The following PDE1C variants were observed in gnomAD, a reference collection of about 807,000 sequenced individuals.
PDE1C encodes dual specificity calcium/calmodulin-dependent 3',5'-cyclic nucleotide phosphodiesterase 1C.
In PDE1C, 62 loss-of-function variants were observed where a neutral mutation model predicts 93.1. The observed-to-expected ratio is 0.67, with a 90% confidence interval of 0.54 to 0.82. PDE1C has a LOEUF of 0.82. PDE1C is among the 40% of genes least tolerant of loss of function. PDE1C has a pLI of 0.00. For missense variants in PDE1C, 742 were observed against 884.6 expected (o/e 0.84, Z 2.04); for synonymous variants, 325 against 310.1 (o/e 1.05, Z -0.50).
At chr7:31,628,709 G>A in the PDE1C span, among the ~76,000 whole-genome samples, 1 of 152,086 alleles carries the variant, frequency 6.6e-6, no homozygotes, top group Non-Finnish European at 1.5e-5. Flanking sequence ...GCCCGCCTCG[G>A]CCTCCGAAAG....
chr7:32,424,776 C>T (rs553660661), intron 1 of PDE1C, among the ~76,000 whole-genome samples: 3 of 152,126 alleles, frequency 2.0e-5, no homozygotes, highest in Admixed American at 2.0e-4. Flanking sequence ...TGCAGTGAGC[C>T]GAGGTGGTCC....
At chr7:32,389,682 G>A (rs1784716287) in intron 1 of PDE1C, among the ~76,000 whole-genome samples, 1 of 152,202 alleles carries the variant, frequency 6.6e-6, no homozygotes, top group South Asian at 2.1e-4. Context: ...TCTGAATTTT[G>A]TCTGTAAGTA....
intron 2 of PDE1C, among the ~76,000 whole-genome samples, chr7:32,002,209 C>G (rs961192658): frequency 9.9e-5 from 15 of 152,074 alleles, no homozygotes; most frequent in Non-Finnish European, 1.6e-4. Context: ...TAAGTTTCTC[C>G]CCTGACACTA....
At chr7:32,217,537 T>C (rs60074466) in intron 1 of PDE1C, among the ~76,000 whole-genome samples, 1 of 152,190 alleles carries the variant, frequency 6.6e-6, no homozygotes, top group African/African-American at 2.4e-5. Flanking sequence ...TATAAATGCA[T>C]ATCTCTGGCG....
intron 1 of PDE1C, among the ~76,000 whole-genome samples, chr7:32,229,595 G>A (rs12531396): frequency 2.6e-5 from 4 of 152,070 alleles, no homozygotes; most frequent in Admixed American, 2.6e-4. Context: ...TTCTTCAGAG[G>A]TGAACTGACA....
At chr7:32,251,357 A>G (rs1219368864) in intron 1 of PDE1C, among the ~76,000 whole-genome samples, 4 of 152,232 alleles carry the variant, frequency 2.6e-5, no homozygotes, top group Admixed American at 2.0e-4. Flanking sequence ...TAAGTGGCCT[A>G]GAGCTGCAAC....
At chr7:31,961,462 G>T (rs991721997) in intron 2 of PDE1C, among the ~76,000 whole-genome samples, 1 of 152,030 alleles carries the variant, frequency 6.6e-6, no homozygotes, top group African/African-American at 2.4e-5. Context: ...TATTTTATAT[G>T]TAGTATCAGA....
chr7:31,908,124 T>C (rs191264234), intron 2 of PDE1C, among the ~76,000 whole-genome samples: 2 of 152,198 alleles, frequency 1.3e-5, no homozygotes, highest in Non-Finnish European at 2.9e-5. Flanking sequence ...CAGTCATTAG[T>C]AATATTGCTA....
chr7:31,964,707 C>A (rs1350852084), intron 2 of PDE1C, among the ~76,000 whole-genome samples: 6 of 152,188 alleles, frequency 3.9e-5, no homozygotes, highest in African/African-American at 7.2e-5. Flanking sequence ...GGCAACCCCC[C>A]AATAGGGGTG....
intron 2 of PDE1C, among the ~76,000 whole-genome samples, chr7:32,034,550 T>C (rs1359961842): frequency 6.6e-6 from 1 of 152,110 alleles, no homozygotes; most frequent in African/African-American, 2.4e-5. Flanking sequence ...TTTCCTTTTC[T>C]CCCCAAGGTG....
chr7:32,399,222 C>G (rs1223845416), intron 1 of PDE1C, among the ~76,000 whole-genome samples: 2 of 152,132 alleles, frequency 1.3e-5, no homozygotes, highest in Non-Finnish European at 2.9e-5. Context: ...GAGTTTTGTC[C>G]CCATGTTGGA....
intron 17 of PDE1C, among the ~76,000 whole-genome samples, chr7:31,768,549 T>C (rs1795284104): frequency 6.6e-6 from 1 of 152,152 alleles, no homozygotes; most frequent in Non-Finnish European, 1.5e-5. Flanking sequence ...GTTAAAAAGT[T>C]ACAAAAATTA....
rs574189026 is a variant in PDE1C at position 32,202,733 on chromosome 7, A to G, written c.136+6756T>C. ...TGGATGTGTCACAGGTCACTGGGGG[A>G]GCTTCGAGAGGATGATTATAAGTGT... On this transcript the variant is annotated intron_variant, in intron 2 of 18. Transcript: ENST00000396193. Among the ~76,000 whole-genome samples, 17 of 152,126 alleles carry G rather than the reference A, an allele frequency of 1.1e-4. No homozygotes were observed. The South Asian group carries it at 2.1e-3, about 19-fold the overall frequency.
At chr7:32,329,521 G>A (rs1404716049) in intron 1 of PDE1C, among the ~76,000 whole-genome samples, 1 of 152,144 alleles carries the variant, frequency 6.6e-6, no homozygotes, top group Non-Finnish European at 1.5e-5. Flanking sequence ...CTTTATGTAG[G>A]TTTACCTTTT....
intron 1 of PDE1C, among the ~76,000 whole-genome samples, chr7:32,374,856 C>A (rs1317849699): frequency 6.6e-6 from 1 of 152,180 alleles, no homozygotes; most frequent in African/African-American, 2.4e-5. Flanking sequence ...TGTATCCCAG[C>A]TCATCAGTCT....
the PDE1C span, among the ~76,000 whole-genome samples, chr7:31,619,744 A>T: frequency 6.6e-6 from 1 of 152,122 alleles, no homozygotes; most frequent in East Asian, 1.9e-4. Flanking sequence ...AGGGAGTGCC[A>T]GACAGTGGGC....
chr7:31,890,751 A>T (rs1798520358), intron 2 of PDE1C, among the ~76,000 whole-genome samples: 1 of 152,200 alleles, frequency 6.6e-6, no homozygotes, highest in African/African-American at 2.4e-5. Context: ...AAACCTTCAA[A>T]TAATGGCTAA....
chr7:32,415,719 CA>C lies in PDE1C; in HGVS notation c.310+12102del, dbSNP rs1206536570. On this transcript the variant is annotated intron_variant, in intron 1 of 1. Transcript: ENST00000672256. ...TGGCGGTGGGAGAGGGGCCAGGGAA[CA>C]AAGCGCTACGTCCTTTCCTTCTCCC... Among the ~76,000 whole-genome samples the C allele has an allele frequency of 1.1e-4, 15 of 140,392 alleles. No individual in the cohort carries two copies. In the East Asian group the frequency reaches 2.9e-3, roughly 27 times the overall value. 92.1% of individuals were successfully genotyped at this position (140,392 alleles called of 152,430 possible). A position where few individuals can be genotyped will look rare whatever the true frequency, so the allele number is the denominator to read the frequency against.
At chr7:32,147,035 A>G (rs1800878847) in intron 3 of PDE1C, among the ~76,000 whole-genome samples, 1 of 152,144 alleles carries the variant, frequency 6.6e-6, no homozygotes, top group Non-Finnish European at 1.5e-5. Context: ...ACAAAGATAT[A>G]TACTAAATCC....
Sources: gnomAD v4.1 joint callset for allele counts (sites outside exome capture counted in the v4.1 genomes callset) on GRCh38, gnomAD v4.1.1 for gene constraint, MANE v1.5 for transcripts, NCBI Gene and HGNC (gene_info 2026-07-23, HGNC 2026-07-21) for gene names.